The following UBA5 variants were observed in gnomAD, a reference collection of about 807,000 sequenced individuals.
UBA5 encodes ubiquitin like modifier activating enzyme 5, also known as ubiquitin-like modifier-activating enzyme 5.
In UBA5, 28 loss-of-function variants were observed where a neutral mutation model predicts 52.9. The ratio of observed to expected loss-of-function variants is 0.53; its 90% CI spans 0.39 to 0.73. The LOEUF is 0.73. UBA5 is among the 30% of genes least tolerant of loss of function. UBA5 has a pLI of 0.00. For synonymous variants in UBA5, 135 were observed against 162.1 expected (o/e 0.83, Z 1.27); for missense variants, 388 against 492.7 (o/e 0.79, Z 2.01).
At position 132,677,503 on chromosome 3, in the gene UBA5, A is replaced by G. The variant is rs1242202346; in HGVS notation, c.*977A>G. 6.6e-6 allele frequency: 1 copy of G among 152,178 alleles called. No homozygotes were observed. The highest frequency in any genetic ancestry group is 1.5e-5 in the Non-Finnish European group (1 of 68,004). 9.4% of individuals were successfully genotyped at this position (152,178 alleles called of 1,614,324 possible). A position where few individuals can be genotyped will look rare whatever the true frequency, so the allele number is the denominator to read the frequency against. On this transcript the variant is annotated 3_prime_UTR_variant, in exon 12 of 12. Coordinates refer to ENST00000356232, the MANE Select transcript of UBA5 (RefSeq NM_024818.6). ...TCACTTTCCCCTGATCATGACCACT[A>G]AACTGTAAATTGATATAAATTAGTT...
upstream of UBA5, among the ~76,000 whole-genome samples, chr3:132,658,435 C>T (rs1576633011): frequency 6.6e-6 from 1 of 152,186 alleles, no homozygotes; most frequent in East Asian, 1.9e-4. Flanking sequence ...AATTAAGTAT[C>T]TTTCAGTTAT....
intron 8 of UBA5, among the ~76,000 whole-genome samples, chr3:132,672,792 G>A (rs1042700533): frequency 3.9e-5 from 6 of 152,082 alleles, no homozygotes; most frequent in African/African-American, 1.4e-4. Flanking sequence ...CAAATATCCA[G>A]CAACTGTACT....
chr3:132,669,577 T>G (rs918763135), intron 4 of UBA5, among the ~76,000 whole-genome samples: 1 of 152,180 alleles, frequency 6.6e-6, no homozygotes, highest in Non-Finnish European at 1.5e-5. Context: ...CTGATAAAAT[T>G]TTTATAGTCA....
rs374409581 is a variant in UBA5 at position 132,660,749 on chromosome 3, C to A, written c.161+51C>A. ...AGGCGCGGGGGACGAGGTCAGGCTC[C>A]GTGAGGTCAGAAGTGAGGCGCTTCC... On this transcript the variant is annotated intron_variant, in intron 1 of 11. Coordinates refer to ENST00000356232, the MANE Select transcript of UBA5 (RefSeq NM_024818.6). The surrounding 1 kb of genome is among the most constrained non-coding windows in gnomAD (Gnocchi z 4.1). The A allele has an allele frequency of 9.4e-6, 14 of 1,485,354 alleles. No individual in the cohort carries two copies. Among genetic ancestry groups the A allele is most frequent in the Non-Finnish European group, 1.2e-5 (13 of 1,111,976 alleles). 92.0% of individuals were successfully genotyped at this position (1,485,354 alleles called of 1,614,324 possible). A position where few individuals can be genotyped will look rare whatever the true frequency, so the allele number is the denominator to read the frequency against.
chr3:132,660,661 A>G lies in UBA5; in HGVS notation c.124A>G (p.Lys42Glu). The stretch of plus-strand genomic sequence containing the variant: ...AGGGGGCGGCCGGGTCCGCATCGAG[A>G]AGATGAGCTCAGAGGTGGTGGATTC... Reference protein sequence around the residue: ...DGGGGRVRIEKMSSEVVDSNP... With the variant: ...DGGGGRVRIEEMSSEVVDSNP... Residue 42 changes from lysine (K) to glutamate (E), a missense_variant, in exon 1 of 12, where the codon AAG (lysine) becomes GAG (glutamate). Around this residue, in one of 3 missense-constraint regions of UBA5, gnomAD observed 95 missense variants for 107.0 expected, o/e 0.89. Coordinates refer to ENST00000356232, the MANE Select transcript of UBA5 (RefSeq NM_024818.6). This position sits in a 1 kb window ranked among gnomAD's most constrained non-coding sequence, Gnocchi z 4.1. 6.3e-7 allele frequency: 1 copy of G among 1,576,278 alleles called. No individual in the cohort carries two copies. Among genetic ancestry groups the G allele is most frequent in the Middle Eastern group, 1.7e-4 (1 of 5,976 alleles).
rs1938939831 is a variant in UBA5, at chr3:132,678,894, C to T, written c.*2368C>T. The stretch of plus-strand genomic sequence containing the variant: ...TGAACTCCTGACCTCAGGTGATCCA[C>T]CCATCTTGGCCTCCCAAAGTGCTGG... On this transcript the variant is annotated 3_prime_UTR_variant, in exon 12 of 12. Coordinates refer to ENST00000356232, the MANE Select transcript of UBA5 (RefSeq NM_024818.6). Among the ~76,000 whole-genome samples, 1 of 152,024 alleles carries T rather than the reference C, an allele frequency of 6.6e-6. No individual in the cohort carries two copies. The highest frequency in any genetic ancestry group is 6.6e-5 in the Admixed American group (1 of 15,262).
intron 3 of UBA5, chr3:132,668,598 C>T (rs188715653): frequency 7.5e-4 from 230 of 306,742 alleles, no homozygotes; most frequent in Non-Finnish European, 1.2e-3. Flanking sequence ...GGCCTTTGGA[C>T]AAGTGTTGTA....
At chr3:132,673,437 T>C (rs1237310110) in intron 8 of UBA5, among the ~76,000 whole-genome samples, 1 of 152,114 alleles carries the variant, frequency 6.6e-6, no homozygotes, top group Non-Finnish European at 1.5e-5. Context: ...AGCCTCAACC[T>C]CCTGAGCTCA....
In UBA5 at chr3:132,676,905, A is replaced by G. The variant is rs191365044; in HGVS notation, c.*379A>G. The stretch of plus-strand genomic sequence containing the variant: ...GACATGGACAATAAAGTAGTATATG[A>G]TCCTCAGATACAGGGAGAAGGACAA... On this transcript the variant is annotated 3_prime_UTR_variant, in exon 12 of 12. Transcript: ENST00000356232. The surrounding 1 kb of genome is among the most constrained non-coding windows in gnomAD (Gnocchi z 4.1). 2 of 456,630 alleles carry G rather than the reference A, an allele frequency of 4.4e-6. No individual in the cohort carries two copies. Among genetic ancestry groups the G allele is most frequent in the Admixed American group, 2.3e-5 (1 of 42,568 alleles). 28.3% of individuals were successfully genotyped at this position (456,630 alleles called of 1,614,324 possible). A position where few individuals can be genotyped will look rare whatever the true frequency, so the allele number is the denominator to read the frequency against.
intron 1 of UBA5, chr3:132,654,769 T>C (rs994460073): frequency 3.3e-5 from 5 of 152,244 alleles, no homozygotes; most frequent in Non-Finnish European, 7.3e-5. Flanking sequence ...TTAATGCCTA[T>C]GTGTGTTGGA....
chr3:132,657,866 CTTTT>C (rs56190801), upstream of UBA5, among the ~76,000 whole-genome samples: 2 of 119,166 alleles, frequency 1.7e-5, no homozygotes, highest in East Asian at 2.9e-4. Context: ...ACACATATTC[CTTTT>C]TTTTTTTTTT....
At chr3:132,671,193 C>T in intron 6 of UBA5, 144 bp downstream of exon 6, 1 of 677,810 alleles carries the variant, frequency 1.5e-6, no homozygotes, top group Non-Finnish European at 2.4e-6. Context: ...TTAGCCTACT[C>T]TTAAAATCTA....
chr3:132,669,253 T>C lies in UBA5; in HGVS notation c.407+326T>C, dbSNP rs150605070. ...CTCTGAAATTTGAATTTCATACAAT[T>C]TTTAATTTTTTTAATTAAAAAATAA... On this transcript the variant is annotated intron_variant, in intron 4 of 11. Transcript: ENST00000356232. 1.2e-3 allele frequency among the ~76,000 whole-genome samples: 183 copies of C among 152,216 alleles called. 1 individual carries two copies. Among genetic ancestry groups the C allele is most frequent in the African/African-American group, 3.8e-3 (157 of 41,530 alleles).
rs768061607 is a variant in UBA5, at chr3:132,675,218, CTTTA to C, written c.813-25_813-22del. 1.4e-5 allele frequency: 21 copies of C among 1,466,482 alleles called. No individual in the cohort carries two copies. The Middle Eastern group carries it at 6.4e-4, about 45-fold the overall frequency. The allele number at this position is 1,466,482 out of a possible 1,614,324, so 90.8% of individuals were successfully genotyped here. A position where few individuals can be genotyped will look rare whatever the true frequency, so the allele number is the denominator to read the frequency against. On this transcript the variant is annotated intron_variant, in intron 8 of 11. Transcript: ENST00000356232. ...CTAGTATTTTTCATGTTTTAAATTT[CTTTA>C]TTTAAGTCTATTTTGATTTTTCTAG...
intron 6 of UBA5, 101 bp downstream of exon 6, chr3:132,671,150 A>T: frequency 1.6e-5 from 16 of 973,072 alleles, no homozygotes; most frequent in Non-Finnish European, 2.5e-5. Context: ...TCTGAATGTA[A>T]ACCCTTTTCT....
At chr3:132,661,316 G>C (rs887080934) in intron 1 of UBA5, among the ~76,000 whole-genome samples, 10 of 152,090 alleles carry the variant, frequency 6.6e-5, no homozygotes, top group African/African-American at 2.4e-4. Flanking sequence ...CTTCGTAACT[G>C]CCTAACCTTT....
upstream of UBA5, among the ~76,000 whole-genome samples, chr3:132,658,961 G>C (rs1038633208): frequency 6.6e-6 from 1 of 152,088 alleles, no homozygotes; most frequent in African/African-American, 2.4e-5. Flanking sequence ...CTGAATGATA[G>C]GACTCTTTCT....
upstream of UBA5, among the ~76,000 whole-genome samples, chr3:132,655,612 CT>C (rs1937748792): frequency 6.6e-6 from 1 of 152,176 alleles, no homozygotes; most frequent in Non-Finnish European, 1.5e-5. Context: ...ATGCCGTGTG[CT>C]CGAGGAAATC....
At chr3:132,667,660 C>G (rs116724502) in intron 3 of UBA5, 3,809 of 152,204 alleles carry the variant, frequency 0.025, 165 homozygotes, top group African/African-American at 0.087. Context: ...ATCTGGGGTG[C>G]CTTGGATCAC....
Sources: allele counts gnomAD v4.1 joint callset (sites outside exome capture counted in the v4.1 genomes callset), GRCh38; gene constraint gnomAD v4.1.1; regional missense constraint gnomAD v4.1.1; non-coding constraint Gnocchi (gnomAD v3.1); transcripts MANE v1.5; gene names NCBI Gene and HGNC (gene_info 2026-07-23, HGNC 2026-07-21).